Variants in GLRA3 observed in about 807,000 individuals in gnomAD.
GLRA3 encodes glycine receptor alpha 3.
GLRA3 carries 44 observed loss-of-function variants against 60.4 expected under a neutral mutation model. The ratio of observed to expected loss-of-function variants is 0.73; its 90% CI spans 0.57 to 0.94. GLRA3 has a LOEUF of 0.94. GLRA3 is among the 40% of genes least tolerant of loss of function. The pLI is 0.00. For synonymous variants in GLRA3, 223 were observed against 192.9 expected (o/e 1.16, Z -1.29); for missense variants, 508 against 564.6 (o/e 0.90, Z 1.02).
At chr4:174,710,397 CCTT>C (rs1000952189) in intron 5 of GLRA3, among the ~76,000 whole-genome samples, 3 of 152,196 alleles carry the variant, frequency 2.0e-5, no homozygotes, top group Admixed American at 6.5e-5. Context: ...CCATGAATCA[CCTT>C]CTTTTTTCAG....
chr4:174,663,485 T>C lies in GLRA3; in HGVS notation c.928-4288A>G, dbSNP rs188760196. On this transcript the variant is annotated intron_variant, in intron 7 of 9. Coordinates refer to ENST00000274093, the MANE Select transcript of GLRA3 (RefSeq NM_006529.4). ...CAGAAATTACATCAGAAATATAATT[T>C]CCAAATTAATTCAATGAGTGTTTTC... 5.0e-4 allele frequency among the ~76,000 whole-genome samples: 76 copies of C among 152,292 alleles called. 2 individuals are homozygous for C. In the East Asian group the frequency reaches 0.013, roughly 25 times the overall value.
chr4:174,659,264 TGA>T, intron 7 of GLRA3, 67 bp from the exon 8 acceptor site: 2 of 1,138,760 alleles, frequency 1.8e-6, no homozygotes, highest in Non-Finnish European at 1.3e-6. Context: ...AGAACAAAAC[TGA>T]GTTTTTCTGA....
chr4:174,685,366 C>T (rs939515363), intron 5 of GLRA3, among the ~76,000 whole-genome samples: 1 of 152,148 alleles, frequency 6.6e-6, no homozygotes, highest in Non-Finnish European at 1.5e-5. Context: ...ATGGTAGTAG[C>T]AAGAGCATCA....
At position 174,828,427 on chromosome 4, in the gene GLRA3, A is replaced by G. The variant is rs80177082; in HGVS notation, c.71+314T>C. 2.7e-3 allele frequency among the ~76,000 whole-genome samples: 417 copies of G among 152,330 alleles called. 3 individuals are homozygous for G. The highest frequency in any genetic ancestry group is 9.4e-3 in the African/African-American group (391 of 41,568). On this transcript the variant is annotated intron_variant, in intron 1 of 9. Coordinates refer to ENST00000274093, the MANE Select transcript of GLRA3 (RefSeq NM_006529.4). ...AAAAGAGTAACACCCAAATTATATA[A>G]TTCACTTAGAAAACGGGAACTTTAA...
At chr4:174,734,779 A>G (rs762282420) in intron 3 of GLRA3, among the ~76,000 whole-genome samples, 1 of 152,210 alleles carries the variant, frequency 6.6e-6, no homozygotes, top group Non-Finnish European at 1.5e-5. Context: ...AAAACAATAC[A>G]AAGCTGTATT....
intron 4 of GLRA3, among the ~76,000 whole-genome samples, chr4:174,723,982 C>T (rs113458593): frequency 4.7e-4 from 71 of 151,246 alleles, no homozygotes; most frequent in African/African-American, 1.6e-3. Context: ...GTTTGGGGTT[C>T]GTCTAAACTT....
At chr4:174,818,097 C>G (rs1429190557) in intron 1 of GLRA3, among the ~76,000 whole-genome samples, 1 of 152,124 alleles carries the variant, frequency 6.6e-6, no homozygotes, top group African/African-American at 2.4e-5. Context: ...AAAAGTCACT[C>G]AGTTCTTCAA....
chr4:174,755,399 G>A (rs1407247583), intron 3 of GLRA3, among the ~76,000 whole-genome samples: 3 of 151,704 alleles, frequency 2.0e-5, no homozygotes, highest in African/African-American at 4.8e-5. Context: ...AAAAGAAAAA[G>A]GATACTTAAA....
chr4:174,782,819 G>A (rs1275178253), intron 2 of GLRA3, among the ~76,000 whole-genome samples: 1 of 151,888 alleles, frequency 6.6e-6, no homozygotes, highest in Admixed American at 6.6e-5. Flanking sequence ...AAATAAAAGA[G>A]GATACAAACA....
rs180709008 is a variant in GLRA3 at position 174,733,731 on chromosome 4, C to A, written c.268-5033G>T. Reference sequence around the variant, plus strand: ...GGCTGTGGCTTAAACTTTCATGCTCCTACCTTCTGCTTCCTGACCACCATG... The same window carrying A: ...GGCTGTGGCTTAAACTTTCATGCTCATACCTTCTGCTTCCTGACCACCATG... On this transcript the variant is annotated intron_variant, in intron 3 of 9. Transcript: ENST00000274093. Among the ~76,000 whole-genome samples the A allele has an allele frequency of 1.3e-3, 205 of 152,306 alleles. 1 individual carries two copies. The highest frequency in any genetic ancestry group is 2.0e-3 in the Admixed American group (30 of 15,302).
intron 3 of GLRA3, among the ~76,000 whole-genome samples, chr4:174,749,448 A>G (rs1727505263): frequency 6.6e-6 from 1 of 152,166 alleles, no homozygotes; most frequent in South Asian, 2.1e-4. Context: ...GGCCAGGCAT[A>G]TCTGAATCCA....
intron 7 of GLRA3, among the ~76,000 whole-genome samples, chr4:174,660,073 CATAT>C (rs923322638): frequency 6.6e-6 from 1 of 151,088 alleles, no homozygotes; most frequent in Non-Finnish European, 1.5e-5. Context: ...TATATATACA[CATAT>C]ATATATTCCC....
chr4:174,773,089 G>C (rs964905777), intron 2 of GLRA3, among the ~76,000 whole-genome samples: 8 of 152,156 alleles, frequency 5.3e-5, no homozygotes, highest in Non-Finnish European at 1.0e-4. Context: ...CCATTACAGA[G>C]AGCACCTGTT....
intron 5 of GLRA3, among the ~76,000 whole-genome samples, chr4:174,686,426 A>T (rs1409952808): frequency 6.6e-6 from 1 of 152,194 alleles, no homozygotes; most frequent in Non-Finnish European, 1.5e-5. Context: ...AAACTAATTT[A>T]TTCAGGGAAC....
chr4:174,735,420 A>C (rs1736736087), intron 3 of GLRA3, among the ~76,000 whole-genome samples: 1 of 152,192 alleles, frequency 6.6e-6, no homozygotes, highest in Non-Finnish European at 1.5e-5. Context: ...CATGACCTGA[A>C]ATTTGCATCA....
chr4:174,734,914 G>T (rs1163528876), intron 3 of GLRA3, among the ~76,000 whole-genome samples: 3 of 152,152 alleles, frequency 2.0e-5, no homozygotes, highest in African/African-American at 7.2e-5. Context: ...AGCTCATTCA[G>T]TTTGTGGGCA....
chr4:174,748,002 T>C (rs562836221), intron 3 of GLRA3, among the ~76,000 whole-genome samples: 1 of 152,310 alleles, frequency 6.6e-6, no homozygotes, highest in East Asian at 1.9e-4. Flanking sequence ...ACTTGGGCTA[T>C]AGCTATTGAC....
intron 4 of GLRA3, among the ~76,000 whole-genome samples, chr4:174,717,025 A>G (rs946272143): frequency 2.6e-5 from 4 of 150,990 alleles, no homozygotes; most frequent in Non-Finnish European, 5.9e-5. Flanking sequence ...ACATAAAAAT[A>G]CTCTATCTCT....
At chr4:174,778,209 C>T (rs910070840) in intron 2 of GLRA3, among the ~76,000 whole-genome samples, 1 of 152,030 alleles carries the variant, frequency 6.6e-6, no homozygotes, top group African/African-American at 2.4e-5. Flanking sequence ...CTCACTGGGC[C>T]GGTTCTGTTT....
Sources: gnomAD v4.1 joint callset for allele counts (sites outside exome capture counted in the v4.1 genomes callset) on GRCh38, gnomAD v4.1.1 for gene constraint, MANE v1.5 for transcripts, NCBI Gene and HGNC (gene_info 2026-07-23, HGNC 2026-07-21) for gene names.